Variants in GALK1 observed in about 807,000 individuals in gnomAD.
GALK1 encodes the protein galactokinase 1.
GALK1 carries 30 observed loss-of-function variants against 38.6 expected under a neutral mutation model. That is an observed-to-expected ratio of 0.78 (90% CI 0.58 to 1.05). The LOEUF (loss-of-function observed/expected upper bound fraction) is 1.05. Ranked by LOEUF, GALK1 falls within the 50% of genes least tolerant of loss-of-function variation. The pLI is 0.00. For synonymous variants in GALK1, 240 were observed against 233.6 expected, an observed-to-expected ratio of 1.03 and a Z score of -0.25; for missense variants, 512 against 540.5, an observed-to-expected ratio of 0.95 and a Z score of 0.52.
chr17:75,752,424 G>A (rs1459445260), intron 8 of GALK1: 2 of 1,613,002 alleles, frequency 1.2e-6, no homozygotes, highest in Admixed American at 3.3e-5. Context: ...CCAGGGCCCT[G>A]GCTCACTCCC....
chr17:75,760,733 G>A (rs745750650), intron 5 of GALK1, among the ~76,000 whole-genome samples: 6 of 151,906 alleles, frequency 3.9e-5, no homozygotes, highest in Admixed American at 6.6e-5. Context: ...CCGAGATCAC[G>A]CCACTGCGCT....
downstream of GALK1, chr17:75,757,525 C>A (rs2061548493): frequency 4.3e-6 from 7 of 1,613,336 alleles, no homozygotes; most frequent in Non-Finnish European, 5.9e-6. Context: ...CCCTTAGCAC[C>A]CACATGGACC....
chr17:75,755,142 T>A (rs1555744693), downstream of GALK1: 1 of 1,610,818 alleles, frequency 6.2e-7, no homozygotes, highest in Non-Finnish European at 8.5e-7. Context: ...ATGAAAGGGT[T>A]CCCCCCTTCC....
downstream of GALK1, chr17:75,757,134 C>T: frequency 6.2e-7 from 1 of 1,612,876 alleles, no homozygotes; most frequent in Non-Finnish European, 8.5e-7. Flanking sequence ...TCCTTCACCC[C>T]CACCCCTCCT....
At chr17:75,763,664 G>A (rs926640496) in intron 2 of GALK1, 8 of 685,152 alleles carry the variant, frequency 1.2e-5, no homozygotes, top group Non-Finnish European at 2.0e-5. Flanking sequence ...CCTGGTTTAG[G>A]GCTCTGGAGG....
intron 5 of GALK1, among the ~76,000 whole-genome samples, chr17:75,758,953 G>A (rs559825979): frequency 2.0e-4 from 30 of 152,220 alleles, no homozygotes; most frequent in African/African-American, 7.2e-4. Context: ...AGAAGAGGGG[G>A]CAGAAGCAGC....
chr17:75,764,612 T>G (rs1368169380), intron 1 of GALK1: 1 of 462,338 alleles, frequency 2.2e-6, no homozygotes, highest in East Asian at 4.8e-5. Context: ...CGCCCAGGTC[T>G]GCGGTTGGGG....
downstream of GALK1, chr17:75,756,819 C>A (rs372195997): frequency 7.4e-6 from 12 of 1,612,286 alleles, no homozygotes; most frequent in Non-Finnish European, 1.0e-5. Flanking sequence ...ATGGGGATAT[C>A]GTCGGCTACC....
intron 2 of GALK1, 55 bp from the exon 3 acceptor site, chr17:75,763,494 G>A (rs2061597239): frequency 2.6e-6 from 4 of 1,544,414 alleles, no homozygotes; most frequent in African/African-American, 2.7e-5. Flanking sequence ...GGATGGCACA[G>A]GAAGGGCAGG....
downstream of GALK1, chr17:75,755,572 AGT>A: frequency 8.5e-7 from 1 of 1,179,398 alleles, no homozygotes; most frequent in South Asian, 1.3e-5. Flanking sequence ...TTGCAGGGTG[AGT>A]GAGTTGTCCA....
At chr17:75,764,795 T>C in intron 1 of GALK1, 177 bp downstream of exon 1, 1 of 717,844 alleles carries the variant, frequency 1.4e-6, no homozygotes. Context: ...GCTTCCTCCC[T>C]TCCAACGTGG....
At chr17:75,754,174 C>T (rs1164879537), downstream of GALK1, among the ~76,000 whole-genome samples, 1 of 152,162 alleles carries the variant, frequency 6.6e-6, no homozygotes, top group Non-Finnish European at 1.5e-5. Flanking sequence ...CCTTATGGTG[C>T]CTGCCTGGCC....
Position 75,758,000 on chromosome 17 carries a change from C to A in GALK1, c.*56G>T. On this transcript the variant is annotated 3_prime_UTR_variant, in exon 8 of 8. Transcript: ENST00000588479. ...ATGGAAGATGGCACCGGGCACAGAGCCGTGGGACTGGCCTGCAGGCCCCGC... is the reference window on the plus strand; with the variant it reads ...ATGGAAGATGGCACCGGGCACAGAGACGTGGGACTGGCCTGCAGGCCCCGC... 1 of 1,586,406 alleles carries A rather than the reference C, an allele frequency of 6.3e-7. No homozygotes were observed. The highest frequency in any genetic ancestry group is 1.1e-5 in the South Asian group (1 of 89,772).
intron 5 of GALK1, among the ~76,000 whole-genome samples, chr17:75,761,970 A>G (rs2061589243): frequency 6.6e-6 from 1 of 152,074 alleles, no homozygotes; most frequent in Admixed American, 6.6e-5. Context: ...CAGTGAGCTG[A>G]GATCGCACCA....
At chr17:75,755,202 C>T (rs113971947), downstream of GALK1, 5 of 1,604,234 alleles carry the variant, frequency 3.1e-6, no homozygotes, top group Non-Finnish European at 4.3e-6. Flanking sequence ...GCAGCGCCCT[C>T]CTGGGGCCCA....
rs768625071 is a variant in GALK1 at position 75,758,203 on chromosome 17, C to T, written c.1107+7G>A. The stretch of plus-strand genomic sequence containing the variant: ...TCCTGCCCGCCCAGGCCCTGGTGCC[C>T]GCCCACCTGGATGTGCCGCATGGCG... On this transcript the variant is annotated splice_region_variant and intron_variant, in intron 7 of 7. Transcript: ENST00000588479. The T allele has an allele frequency of 2.8e-5, 45 of 1,607,364 alleles. No individual in the cohort carries two copies. Among genetic ancestry groups the T allele is most frequent in the East Asian group, 6.7e-5 (3 of 44,716 alleles).
At chr17:75,752,052 G>T in intron 8 of GALK1, 1 of 1,089,914 alleles carries the variant, frequency 9.2e-7, no homozygotes, top group Non-Finnish European at 1.4e-6. Flanking sequence ...GGCTGGCTTT[G>T]CCTTGCTTCC....
Position 75,758,453 on chromosome 17 carries a change from G to C in GALK1, c.940C>G (p.Leu314Val). The part of the protein sequence containing the change: ...GRLMVESHRS[L>V]RDDYEVSCPE... The stretch of plus-strand genomic sequence containing the variant: ...GGGGCGCCCAGAGGGCCTCACCTGA[G>C]TGAGCGGTGGCTCTCCACCATGAGG... Residue 314 changes from leucine (L) to valine (V), a missense_variant, in exon 6 of 8, where the codon CTC becomes GTC. By Grantham distance (32) the Leu-to-Val change is conservative. Transcript: ENST00000588479. 6.4e-7 allele frequency: 1 copy of C among 1,574,558 alleles called. No individual in the cohort carries two copies. Among genetic ancestry groups the C allele is most frequent in the Non-Finnish European group, 8.6e-7 (1 of 1,161,308 alleles).
chr17:75,764,831 C>T (rs1310208861), intron 1 of GALK1, 141 bp downstream of exon 1: 9 of 908,474 alleles, frequency 9.9e-6, no homozygotes, highest in Non-Finnish European at 1.5e-5. Context: ...GGGGACTCTT[C>T]CGTGCACCGG....
Sources: allele counts gnomAD v4.1 joint callset (sites outside exome capture counted in the v4.1 genomes callset), GRCh38; gene constraint gnomAD v4.1.1; transcripts MANE v1.5; gene names NCBI Gene and HGNC (gene_info 2026-07-23, HGNC 2026-07-21).